MAN2A1: variants seen among roughly 807,000 people sequenced by gnomAD.
The protein encoded by MAN2A1 is alpha-mannosidase 2.
Under a neutral mutation model 142.6 loss-of-function variants are expected in MAN2A1, and 76 were observed. The ratio of observed to expected loss-of-function variants is 0.53; its 90% confidence interval spans 0.44 to 0.65. MAN2A1 has a LOEUF of 0.65. Ranked by LOEUF, MAN2A1 falls within the 30% of genes least tolerant of loss-of-function variation. The pLI is 0.00. For missense variants in MAN2A1, 1,311 were observed against 1,365.1 expected, an observed-to-expected ratio of 0.96 and a Z score of 0.62; for synonymous variants, 559 against 473.2, an observed-to-expected ratio of 1.18 and a Z score of -2.35.
chr5:109,697,011 A>G (rs776625378), intron 1 of MAN2A1, among the ~76,000 whole-genome samples: 4 of 152,224 alleles, frequency 2.6e-5, no homozygotes, highest in Non-Finnish European at 5.9e-5. Context: ...ATTCTTTTCC[A>G]ATTGGACGTG....
At chr5:109,780,562 A>C (rs564793289) in intron 8 of MAN2A1, among the ~76,000 whole-genome samples, 2 of 150,700 alleles carry the variant, frequency 1.3e-5, no homozygotes, top group South Asian at 4.2e-4. Flanking sequence ...GTGTGTAGGA[A>C]ACAACAAAAT....
rs1295741672 is a variant in MAN2A1 at position 109,721,030 on chromosome 5, TACGGCA to T, written c.535+4767_535+4772del. ...ACTGAGTTCTGGCATTTATTGCCTG[TACGGCA>T]TCAGGGGAGTTGCAGGTCTTTGTTA... On this transcript the variant is annotated intron_variant, in intron 3 of 21. Coordinates refer to ENST00000261483, the MANE Select transcript of MAN2A1 (RefSeq NM_002372.4). Among the ~76,000 whole-genome samples the T allele has an allele frequency of 2.0e-5, 3 of 152,372 alleles. No homozygotes were observed. The East Asian group carries it at 5.8e-4, about 29-fold the overall frequency.
chr5:109,842,685 T>C (rs1327172394), intron 17 of MAN2A1, among the ~76,000 whole-genome samples: 1 of 152,130 alleles, frequency 6.6e-6, no homozygotes, highest in East Asian at 1.9e-4. Flanking sequence ...GATTTATTTG[T>C]TCAAAGGGTA....
intron 19 of MAN2A1, among the ~76,000 whole-genome samples, chr5:109,851,934 A>C (rs1755491883): frequency 6.6e-6 from 1 of 152,132 alleles, no homozygotes; most frequent in Non-Finnish European, 1.5e-5. Flanking sequence ...GTAAATACTT[A>C]GGTGACCAGA....
chr5:109,786,325 G>A (rs893026150), intron 10 of MAN2A1, among the ~76,000 whole-genome samples: 4 of 151,914 alleles, frequency 2.6e-5, no homozygotes, highest in African/African-American at 9.7e-5. Flanking sequence ...ATCAGACCAG[G>A]GTAGAGCTCC....
chr5:109,834,592 C>T (rs778643064), intron 16 of MAN2A1, among the ~76,000 whole-genome samples: 1 of 152,052 alleles, frequency 6.6e-6, no homozygotes, highest in African/African-American at 2.4e-5. Flanking sequence ...TAGTTTTTGA[C>T]ATTTTCATGA....
intron 19 of MAN2A1, among the ~76,000 whole-genome samples, chr5:109,850,612 T>C (rs1755459539): frequency 6.6e-6 from 1 of 152,208 alleles, no homozygotes; most frequent in Non-Finnish European, 1.5e-5. Flanking sequence ...TGCTGACAGC[T>C]ACTGTCTTTT....
At chr5:109,818,233 C>CGG (rs1307458957) in intron 13 of MAN2A1, among the ~76,000 whole-genome samples, 1 of 152,006 alleles carries the variant, frequency 6.6e-6, no homozygotes, top group Admixed American at 6.6e-5. Context: ...CTCTGTCTCC[C>CGG]GGGTTCAAGT....
At chr5:109,726,522 T>C (rs955955708) in intron 3 of MAN2A1, among the ~76,000 whole-genome samples, 1 of 152,182 alleles carries the variant, frequency 6.6e-6, no homozygotes, top group Non-Finnish European at 1.5e-5. Flanking sequence ...TGAGCTTGTA[T>C]TTTGGCTCAT....
At chr5:109,775,881 A>G (rs1753277412) in intron 8 of MAN2A1, among the ~76,000 whole-genome samples, 1 of 152,128 alleles carries the variant, frequency 6.6e-6, no homozygotes, top group African/African-American at 2.4e-5. Flanking sequence ...ATAATCATAT[A>G]TTGCATTTGA....
At chr5:109,755,604 C>T (rs1752668005) in intron 5 of MAN2A1, 148 bp downstream of exon 5, 2 of 632,308 alleles carry the variant, frequency 3.2e-6, no homozygotes, top group Non-Finnish European at 5.2e-6. Flanking sequence ...TATGATATTT[C>T]TTAGCTCATA....
intron 4 of MAN2A1, among the ~76,000 whole-genome samples, chr5:109,731,371 A>G (rs1316089007): frequency 1.7e-5 from 2 of 117,498 alleles, no homozygotes; most frequent in Middle Eastern, 4.3e-3. Context: ...TTTTATTATT[A>G]TTATTATACT....
chr5:109,858,448 A>AG lies in MAN2A1; in HGVS notation c.3171+3115dup, dbSNP rs1172349304. Among the ~76,000 whole-genome samples, 3 of 152,198 alleles carry AG rather than the reference A, an allele frequency of 2.0e-5. No individual in the cohort carries two copies. The East Asian group carries it at 5.8e-4, about 29-fold the overall frequency. ...AATTCCATGCTTATACTAAAAAAAAAGACCAAAATGACTCAATGAATAAGT... is the reference window on the plus strand; with the variant it reads ...AATTCCATGCTTATACTAAAAAAAAAGGACCAAAATGACTCAATGAATAAGT... On this transcript the variant is annotated intron_variant, in intron 20 of 21. Coordinates refer to ENST00000261483, the MANE Select transcript of MAN2A1 (RefSeq NM_002372.4).
At chr5:109,738,516 GTTC>G (rs1752173997) in intron 4 of MAN2A1, among the ~76,000 whole-genome samples, 3 of 152,040 alleles carry the variant, frequency 2.0e-5, no homozygotes, top group African/African-American at 4.8e-5. Flanking sequence ...CAGCTTGGTG[GTTC>G]TAAAGGCTGG....
intron 7 of MAN2A1, among the ~76,000 whole-genome samples, chr5:109,771,258 A>T (rs1582880677): frequency 6.6e-6 from 1 of 152,194 alleles, no homozygotes; most frequent in Non-Finnish European, 1.5e-5. Flanking sequence ...TGTAATATAA[A>T]AACACTAAAC....
intron 12 of MAN2A1, chr5:109,804,215 C>G: frequency 1.0e-6 from 1 of 986,992 alleles, no homozygotes; most frequent in Non-Finnish European, 1.2e-6. Flanking sequence ...GTATCCTGAT[C>G]CTGAAAAAGT....
chr5:109,808,035 A>G (rs1485669001), intron 12 of MAN2A1, among the ~76,000 whole-genome samples: 1 of 152,220 alleles, frequency 6.6e-6, no homozygotes, highest in Non-Finnish European at 1.5e-5. Context: ...CCTTGTAATG[A>G]CTAAAAGACA....
intron 4 of MAN2A1, among the ~76,000 whole-genome samples, chr5:109,739,746 G>A (rs1752212436): frequency 6.6e-6 from 1 of 152,072 alleles, no homozygotes; most frequent in East Asian, 1.9e-4. Flanking sequence ...GTGGGTACTA[G>A]TTATTACTGG....
At chr5:109,763,093 C>T (rs1752896500) in intron 5 of MAN2A1, among the ~76,000 whole-genome samples, 1 of 152,294 alleles carries the variant, frequency 6.6e-6, no homozygotes, top group African/African-American at 2.4e-5. Flanking sequence ...GATTGTGGAT[C>T]AGATTGCTTC....
Sources: allele counts gnomAD v4.1 joint callset (sites outside exome capture counted in the v4.1 genomes callset), GRCh38; gene constraint gnomAD v4.1.1; transcripts MANE v1.5; gene names NCBI Gene and HGNC (gene_info 2026-07-23, HGNC 2026-07-21).